SCN11A: variants seen among roughly 807,000 people sequenced by gnomAD.
SCN11A encodes the protein sodium channel protein type 11 subunit alpha.
SCN11A carries 122 observed loss-of-function variants against 162.2 expected under a neutral mutation model. The ratio of observed to expected loss-of-function variants is 0.75; its 90% confidence interval spans 0.65 to 0.87. The LOEUF (loss-of-function observed/expected upper bound fraction) is 0.87, where lower values mean the gene tolerates loss of function less well. Ranked by LOEUF, SCN11A falls within the 40% of genes least tolerant of loss-of-function variation. The pLI is 0.00. For missense variants in SCN11A, 2,015 were observed against 2,181.6 expected, an observed-to-expected ratio of 0.92 and a Z score of 1.52; for synonymous variants, 758 against 751.5, an observed-to-expected ratio of 1.01 and a Z score of -0.14.
In SCN11A at chr3:38,872,185, G is replaced by T; in HGVS notation, c.3495+8C>A. 2 of 1,517,122 alleles carry T rather than the reference G, an allele frequency of 1.3e-6. No individual in the cohort carries two copies. The highest frequency in any genetic ancestry group is 1.8e-6 in the Non-Finnish European group (2 of 1,091,858). 94.0% of individuals were successfully genotyped at this position (1,517,122 alleles called of 1,614,324 possible). A position where few individuals can be genotyped will look rare whatever the true frequency, so the allele number is the denominator to read the frequency against. The stretch of plus-strand genomic sequence containing the variant: ...CTGAACTTCTACCCATTCTTCTGCA[G>T]AATGTACCTTCATTCCTTCAAACTG... On this transcript the variant is annotated splice_region_variant and intron_variant, in intron 24 of 29. Coordinates refer to ENST00000302328, the MANE Select transcript of SCN11A (RefSeq NM_001349253.2).
At chr3:38,863,072 A>T (rs930872140) in intron 28 of SCN11A, 123 bp downstream of exon 28, 24 of 654,196 alleles carry the variant, frequency 3.7e-5, no homozygotes, top group Non-Finnish European at 5.5e-5. Context: ...ATATGTCTTG[A>T]CTTCTGTTGA....
intron 2 of SCN11A, among the ~76,000 whole-genome samples, chr3:39,000,590 C>T (rs1223378028): frequency 6.6e-6 from 1 of 152,132 alleles, no homozygotes; most frequent in East Asian, 1.9e-4. Flanking sequence ...TTACATTTAC[C>T]ACATGCAACT....
At chr3:38,963,453 T>TATATATATATATATGATGGAG (rs1559558398) in intron 2 of SCN11A, among the ~76,000 whole-genome samples, 1 of 109,890 alleles carries the variant, frequency 9.1e-6, no homozygotes, top group Non-Finnish European at 1.7e-5. Flanking sequence ...ATGATGGAGA[T>TATATATATATATATGATGGAG]ATATATATAT....
chr3:38,964,007 A>G (rs1022642858), intron 2 of SCN11A, among the ~76,000 whole-genome samples: 3 of 151,742 alleles, frequency 2.0e-5, no homozygotes, highest in Non-Finnish European at 4.4e-5. Flanking sequence ...AAGTGTAAAG[A>G]CTTAAGTGAC....
chr3:39,016,848 C>T (rs6795201), intron 2 of SCN11A, among the ~76,000 whole-genome samples: 21,501 of 152,156 alleles, frequency 0.14, 1,742 homozygotes, highest in African/African-American at 0.22. Context: ...GGCGATCCAC[C>T]CATTTCAGCC....
intron 17 of SCN11A, among the ~76,000 whole-genome samples, chr3:38,899,500 C>G (rs1009659405): frequency 2.6e-5 from 4 of 152,170 alleles, no homozygotes; most frequent in African/African-American, 9.7e-5. Flanking sequence ...GTCTTTGCCC[C>G]CCTTGGCGAG....
chr3:38,896,792 G>C (rs1359569610), intron 18 of SCN11A, 53 bp downstream of exon 18: 1 of 1,378,042 alleles, frequency 7.3e-7, no homozygotes, highest in East Asian at 2.5e-5. Flanking sequence ...TAATGCATTT[G>C]AGAGGCATGT....
At chr3:38,936,982 C>A (rs1218893330) in intron 7 of SCN11A, among the ~76,000 whole-genome samples, 1 of 151,932 alleles carries the variant, frequency 6.6e-6, no homozygotes, top group Non-Finnish European at 1.5e-5. Flanking sequence ...TACTACAAGG[C>A]TACAGTAACC....
rs148841124 is a variant in SCN11A at position 39,007,312 on chromosome 3, C to T, written c.-280+25068G>A. On this transcript the variant is annotated intron_variant, in intron 2 of 29. Transcript: ENST00000302328. ...TTCCTGGCACAAAGCTCCTAAAACCCTTGTAATTTCCTGAGTGATAGGAGC... is the reference window on the plus strand; with the variant it reads ...TTCCTGGCACAAAGCTCCTAAAACCTTTGTAATTTCCTGAGTGATAGGAGC... Among the ~76,000 whole-genome samples the T allele has an allele frequency of 4.1e-3, 629 of 152,296 alleles. 3 individuals carry two copies. Among genetic ancestry groups the T allele is most frequent in the Non-Finnish European group, 6.9e-3 (471 of 68,022 alleles).
At chr3:38,881,021 T>A (rs899036972) in intron 22 of SCN11A, among the ~76,000 whole-genome samples, 1 of 152,094 alleles carries the variant, frequency 6.6e-6, no homozygotes, top group Non-Finnish European at 1.5e-5. Context: ...AGCCCACAGC[T>A]CCAAAGTCCT....
chr3:38,873,947 C>T (rs1055174481), intron 23 of SCN11A, among the ~76,000 whole-genome samples: 1 of 152,134 alleles, frequency 6.6e-6, no homozygotes, highest in Non-Finnish European at 1.5e-5. Context: ...TCCATTCCTC[C>T]TTGGTGAATA....
In SCN11A at chr3:38,872,249, G is replaced by A. The variant is rs754609828; in HGVS notation, c.3439C>T (p.Arg1147Trp). 64 of 1,610,114 alleles carry A rather than the reference G, an allele frequency of 4.0e-5. No individual in the cohort carries two copies. The highest frequency in any genetic ancestry group is 3.8e-4 in the South Asian group (35 of 90,980). The change falls in exon 24 of 30, where the codon CGG becomes TGG. Residue 1147 changes from arginine (R) to tryptophan (W), a missense_variant. Coordinates refer to ENST00000302328, the MANE Select transcript of SCN11A (RefSeq NM_001349253.2). The stretch of plus-strand genomic sequence containing the variant: ...AGAGGCCTCAGTGCTCGTAGAGTCC[G>A]GAAGGACTTCAATTCCATTAAGTTA... ...LINLMELKSFRTLRALRPLRA... is the reference protein window; with the variant it reads ...LINLMELKSFWTLRALRPLRA...
rs754184860 is a variant in SCN11A at position 38,897,105 on chromosome 3, A to C, written c.2143T>G (p.Phe715Val). The C allele has an allele frequency of 2.5e-6, 4 of 1,614,052 alleles. No homozygotes were observed. In the African/African-American group the frequency reaches 5.3e-5, roughly 22 times the overall value. ...TVVLVIVIFI[F>V]SVVGMQLFGR... ...AAAAGCTGCATGCCAACTACTGAGAAAATAAAGATCACAATGACCAGGACC... is the reference window on the plus strand; with the variant it reads ...AAAAGCTGCATGCCAACTACTGAGACAATAAAGATCACAATGACCAGGACC... Residue 715 changes from phenylalanine to valine, a missense_variant, in exon 18 of 30, where the codon TTC becomes GTC. Coordinates refer to ENST00000302328, the MANE Select transcript of SCN11A (RefSeq NM_001349253.2).
intron 19 of SCN11A, among the ~76,000 whole-genome samples, chr3:38,892,240 A>G (rs2065512611): frequency 6.6e-6 from 1 of 152,200 alleles, no homozygotes; most frequent in African/African-American, 2.4e-5. Flanking sequence ...AACACAGAGA[A>G]TTCTTTGGTA....
intron 4 of SCN11A, among the ~76,000 whole-genome samples, chr3:38,951,711 A>G (rs1440586998): frequency 1.3e-5 from 2 of 152,158 alleles, no homozygotes; most frequent in African/African-American, 2.4e-5. Flanking sequence ...TTGTGAGTGC[A>G]CCAATCGACA....
At chr3:38,867,950 C>T (rs1422636211) in intron 26 of SCN11A, among the ~76,000 whole-genome samples, 2 of 152,156 alleles carry the variant, frequency 1.3e-5, no homozygotes, top group African/African-American at 4.8e-5. Flanking sequence ...TCACTCTTAA[C>T]TTCCTAGTGC....
chr3:39,047,361 T>C (rs1388532145), intron 1 of SCN11A, among the ~76,000 whole-genome samples: 1 of 151,950 alleles, frequency 6.6e-6, no homozygotes, highest in Non-Finnish European at 1.5e-5. Flanking sequence ...CGTCTCACCC[T>C]ATACAAAAAT....
rs372528878 is a variant in SCN11A, at chr3:38,879,962, G to A, written c.3381C>T (p.Phe1127=). The change falls in exon 23 of 30, where the codon TTC becomes TTT. Residue 1127 remains phenylalanine (F), a synonymous_variant. Coordinates refer to ENST00000302328, the MANE Select transcript of SCN11A (RefSeq NM_001349253.2). ...ATGGTAAACTTACAATCACAATGATGAAATCAAGGCAGCACCAGGCACTGG... is the reference window on the plus strand; with the variant it reads ...ATGGTAAACTTACAATCACAATGATAAAATCAAGGCAGCACCAGGCACTGG... ...YFTSAWCCLD[F]IIVIVSVTTL... is the part of the protein sequence containing the mutation. The A allele has an allele frequency of 1.9e-6, 3 of 1,612,376 alleles. No individual in the cohort carries two copies. The highest frequency in any genetic ancestry group is 2.7e-5 in the African/African-American group (2 of 74,856).
chr3:38,885,463 G>A, intron 20 of SCN11A, 61 bp from the exon 21 acceptor site: 1 of 892,940 alleles, frequency 1.1e-6, no homozygotes, highest in Non-Finnish European at 1.9e-6. Flanking sequence ...CACCATAGTA[G>A]TACGGAGTTT....
Sources: allele counts gnomAD v4.1 joint callset (sites outside exome capture counted in the v4.1 genomes callset), GRCh38; gene constraint gnomAD v4.1.1; transcripts MANE v1.5; gene names NCBI Gene and HGNC (gene_info 2026-07-23, HGNC 2026-07-21).